MAP1S: variants seen among roughly 807,000 people sequenced by gnomAD.
MAP1S encodes the protein microtubule-associated protein 1S.
Under a neutral mutation model 60.9 loss-of-function variants are expected in MAP1S, and 27 were observed. That is an observed-to-expected ratio of 0.44 (90% CI 0.33 to 0.61). The LOEUF is 0.61. MAP1S is among the 20% of genes least tolerant of loss of function. The probability of loss-of-function intolerance (pLI) is 0.03; values close to 1 mark genes in which losing one functional copy is unlikely to be tolerated. For missense variants in MAP1S, 1,608 were observed against 1,486.6 expected (o/e 1.08, Z -1.34); for synonymous variants, 826 against 694.2 (o/e 1.19, Z -2.98).
In MAP1S at chr19:17,727,350, C is replaced by A; in HGVS notation, c.1966C>A (p.Leu656Met). ...SPAEGSERLS[L>M]SPLRGGEAGP... ...CGCAGAGGGCAGCGAGCGGCTGTCG[C>A]TGAGCCCACTGCGGGGCGGGGAGGC... is the stretch of plus-strand genomic sequence containing the variant. Residue 656 changes from leucine (L) to methionine (M), a missense_variant, in exon 5 of 7, where the codon CTG becomes ATG. Physicochemically the swap from Leu to Met is conservative, Grantham distance 15 (BLOSUM62 2). This residue lies in a region of MAP1S where 1,167 missense variants were observed against 961.4 expected (regional missense o/e 1.21). Coordinates refer to ENST00000324096, the MANE Select transcript of MAP1S (RefSeq NM_018174.6). The surrounding 1 kb of genome is among the most constrained non-coding windows in gnomAD (Gnocchi z 4.1). 1 of 1,587,014 alleles carries A rather than the reference C, an allele frequency of 6.3e-7. No individual in the cohort carries two copies. Among genetic ancestry groups the A allele is most frequent in the South Asian group, 1.1e-5 (1 of 88,798 alleles).
At position 17,725,249 on chromosome 19, in the gene MAP1S, C is replaced by G; in HGVS notation, c.444+60C>G. ...GCTCTGAATCCTGACTGGGGTGTAT[C>G]AGGCTGTGTGGCACCAGCGACCTGC... On this transcript the variant is annotated intron_variant, in intron 4 of 6. Coordinates refer to ENST00000324096, the MANE Select transcript of MAP1S (RefSeq NM_018174.6). This position sits in a 1 kb window ranked among gnomAD's most constrained non-coding sequence, Gnocchi z 4.2. 6.4e-7 allele frequency: 1 copy of G among 1,552,240 alleles called. No individual in the cohort carries two copies. The highest frequency in any genetic ancestry group is 8.7e-7 in the Non-Finnish European group (1 of 1,148,570).
In MAP1S at chr19:17,727,527, G is replaced by T; in HGVS notation, c.2143G>T (p.Ala715Ser). Residue 715 changes from alanine (A) to serine (S), a missense_variant, in exon 5 of 7, where the codon GCT (alanine) becomes TCT (serine). Transcript: ENST00000324096. The surrounding 1 kb of genome is among the most constrained non-coding windows in gnomAD (Gnocchi z 4.1). ...VLPPSAPTSEAGLSLPLRGPR... is the reference protein window; with the variant it reads ...VLPPSAPTSESGLSLPLRGPR... ...GCCGCCATCCGCCCCCACCAGTGAG[G>T]CTGGGCTGAGCCTCCCGCTGCGTGG... 1 of 1,610,168 alleles carries T rather than the reference G, an allele frequency of 6.2e-7. No individual in the cohort carries two copies. Among genetic ancestry groups the T allele is most frequent in the Non-Finnish European group, 8.5e-7 (1 of 1,179,472 alleles).
chr19:17,727,763 C>T lies in MAP1S; in HGVS notation c.2379C>T (p.Thr793=). 3 of 1,609,582 alleles carry T rather than the reference C, an allele frequency of 1.9e-6. No homozygotes were observed. Among genetic ancestry groups the T allele is most frequent in the Non-Finnish European group, 2.5e-6 (3 of 1,177,928 alleles). ...PPTSVSESLP[T]LSDSDPVPLA... is the part of the protein sequence containing the mutation. ...CATCGGTCAGCGAGTCCCTGCCCACCCTGTCTGACTCGGATCCCGTGCCCC... is the reference window on the plus strand; with the variant it reads ...CATCGGTCAGCGAGTCCCTGCCCACTCTGTCTGACTCGGATCCCGTGCCCC... Residue 793 remains threonine, a synonymous_variant, in exon 5 of 7, where the codon ACC becomes ACT. Coordinates refer to ENST00000324096, the MANE Select transcript of MAP1S (RefSeq NM_018174.6). This position sits in a 1 kb window ranked among gnomAD's most constrained non-coding sequence, Gnocchi z 4.1.
intron 5 of MAP1S, among the ~76,000 whole-genome samples, chr19:17,732,289 C>A (rs566143394): frequency 6.6e-6 from 1 of 152,230 alleles, no homozygotes; most frequent in East Asian, 1.9e-4. Flanking sequence ...GGAATGTGTC[C>A]ATTTCGGCTG....
In MAP1S at chr19:17,725,679, C is replaced by T; in HGVS notation, c.445-150C>T. The T allele has an allele frequency of 2.8e-6, 2 of 724,014 alleles. No homozygotes were observed. Among genetic ancestry groups the T allele is most frequent in the Non-Finnish European group, 4.5e-6 (2 of 444,978 alleles). 44.8% of individuals were successfully genotyped at this position (724,014 alleles called of 1,614,324 possible). A position where few individuals can be genotyped will look rare whatever the true frequency, so the allele number is the denominator to read the frequency against. ...AGGAGGTGAGGCCAGATCAAAGAGCCTTGTGGCGCTGGAGAGGGTTGGGTT... is the reference window on the plus strand; with the variant it reads ...AGGAGGTGAGGCCAGATCAAAGAGCTTTGTGGCGCTGGAGAGGGTTGGGTT... On this transcript the variant is annotated intron_variant, in intron 4 of 6. Transcript: ENST00000324096. The surrounding 1 kb of genome is among the most constrained non-coding windows in gnomAD (Gnocchi z 4.2).
At chr19:17,728,553 C>T (rs747452437) in intron 5 of MAP1S, among the ~76,000 whole-genome samples, 12 of 151,144 alleles carry the variant, frequency 7.9e-5, no homozygotes, top group Non-Finnish European at 1.0e-4. Flanking sequence ...CCTGCCAGTT[C>T]TGTTCTTTTT....
intron 5 of MAP1S, 33 bp from the exon 6 acceptor site, chr19:17,733,160 C>T: frequency 2.1e-6 from 3 of 1,423,332 alleles, no homozygotes; most frequent in East Asian, 2.5e-5. Flanking sequence ...GCCCCAGGAG[C>T]TCATCCCTGC....
At position 17,727,092 on chromosome 19, in the gene MAP1S, C is replaced by T. The variant is rs1457045488; in HGVS notation, c.1708C>T (p.His570Tyr). ...GCCCCGCAAAGCGCCCAGCACGTCC[C>T]ACTCTGGCTTCCCGCCGGTGGCAAA... ...PKPRKAPSTSHSGFPPVANGP... is the reference protein window; with the variant it reads ...PKPRKAPSTSYSGFPPVANGP... The change falls in exon 5 of 7, where the codon CAC (histidine) becomes TAC (tyrosine). Residue 570 changes from histidine (H) to tyrosine (Y), a missense_variant. His to Tyr is a moderately conservative substitution (Grantham distance 83). This residue lies in a region of MAP1S where 1,167 missense variants were observed against 961.4 expected (regional missense o/e 1.21). Coordinates refer to ENST00000324096, the MANE Select transcript of MAP1S (RefSeq NM_018174.6). This position sits in a 1 kb window ranked among gnomAD's most constrained non-coding sequence, Gnocchi z 4.1. The T allele has an allele frequency of 6.2e-7, 1 of 1,602,594 alleles. No individual in the cohort carries two copies.
Position 17,726,656 on chromosome 19 carries a change from C to T in MAP1S, c.1272C>T (p.Gly424=), listed in dbSNP as rs374990186. The T allele has an allele frequency of 1.6e-3, 2,606 of 1,580,272 alleles. 5 individuals are homozygous for T. Among genetic ancestry groups the T allele is most frequent in the Non-Finnish European group, 2.0e-3 (2,363 of 1,167,400 alleles). Residue 424 remains glycine (G), a synonymous_variant, in exon 5 of 7, where the codon GGC becomes GGT. Transcript: ENST00000324096. The stretch of plus-strand genomic sequence containing the variant: ...TGGTGTGGCACCCCGCCGGCCCCGG[C>T]GAGAAGGTGGTGCGCGTGCTGTTCC... ...ALLVWHPAGP[G]EKVVRVLFPG...
In MAP1S at chr19:17,727,354, G is replaced by A; in HGVS notation, c.1970G>A (p.Ser657Asn). 6.3e-7 allele frequency: 1 copy of A among 1,586,302 alleles called. No homozygotes were observed. Among genetic ancestry groups the A allele is most frequent in the East Asian group, 2.3e-5 (1 of 43,294 alleles). ...PAEGSERLSL[S>N]PLRGGEAGPD... ...GAGGGCAGCGAGCGGCTGTCGCTGA[G>A]CCCACTGCGGGGCGGGGAGGCCGGG... Residue 657 changes from serine (S) to asparagine (N), a missense_variant, in exon 5 of 7, where the codon AGC becomes AAC. Physicochemically the swap from Ser to Asn is conservative, Grantham distance 46. This residue lies in a region of MAP1S where 1,167 missense variants were observed against 961.4 expected (regional missense o/e 1.21). Transcript: ENST00000324096. The surrounding 1 kb of genome is among the most constrained non-coding windows in gnomAD (Gnocchi z 4.1).
chr19:17,727,541 C>T lies in MAP1S; in HGVS notation c.2157C>T (p.Leu719=), dbSNP rs148839079. The T allele has an allele frequency of 4.6e-4, 742 of 1,609,312 alleles. No homozygotes were observed. The highest frequency in any genetic ancestry group is 6.0e-4 in the Non-Finnish European group (709 of 1,179,416). Residue 719 remains leucine, a synonymous_variant, in exon 5 of 7, where the codon CTC becomes CTT. Transcript: ENST00000324096. The surrounding 1 kb of genome is among the most constrained non-coding windows in gnomAD (Gnocchi z 4.1). ...SAPTSEAGLS[L]PLRGPRARRS... ...CCACCAGTGAGGCTGGGCTGAGCCTCCCGCTGCGTGGCCCCCGGGCGCGGC... is the reference window on the plus strand; with the variant it reads ...CCACCAGTGAGGCTGGGCTGAGCCTTCCGCTGCGTGGCCCCCGGGCGCGGC...
intron 5 of MAP1S, among the ~76,000 whole-genome samples, chr19:17,732,249 G>T (rs62121728): frequency 1.2e-4 from 19 of 152,248 alleles, no homozygotes; most frequent in Non-Finnish European, 2.4e-4. Flanking sequence ...CTATTTTTGT[G>T]ATTGTGTCTT....
intron 1 of MAP1S, chr19:17,720,238 A>G: frequency 7.2e-7 from 1 of 1,381,778 alleles, no homozygotes; most frequent in South Asian, 1.6e-5. Flanking sequence ...GTGGGTGGAG[A>G]TGGGTGTTCA....
intron 5 of MAP1S, 147 bp from the exon 6 acceptor site, chr19:17,733,046 G>A (rs1359602645): frequency 8.6e-6 from 5 of 582,762 alleles, no homozygotes; most frequent in Non-Finnish European, 1.5e-5. Flanking sequence ...CTGGAGTCAT[G>A]AGCGCACCAG....
rs1246836554 is a variant in MAP1S, at chr19:17,733,174, C to T, written c.2789-19C>T. On this transcript the variant is annotated intron_variant, in intron 5 of 6. Coordinates refer to ENST00000324096, the MANE Select transcript of MAP1S (RefSeq NM_018174.6). ...AGCCCCAGGAGCTCATCCCTGCCTC[C>T]CCATCCCCCCGCCCGCAGGGTCAGC... The T allele has an allele frequency of 2.0e-6, 3 of 1,504,240 alleles. No homozygotes were observed. Among genetic ancestry groups the T allele is most frequent in the Non-Finnish European group, 2.7e-6 (3 of 1,116,210 alleles). 93.2% of individuals were successfully genotyped at this position (1,504,240 alleles called of 1,614,324 possible). A position where few individuals can be genotyped will look rare whatever the true frequency, so the allele number is the denominator to read the frequency against.
chr19:17,719,785 G>T (rs1043016243), intron 1 of MAP1S, 165 bp downstream of exon 1: 65 of 196,490 alleles, frequency 3.3e-4, no homozygotes, highest in African/African-American at 1.5e-3. Context: ...TTAGGCGCAC[G>T]ACGCGGGCAA....
In MAP1S at chr19:17,733,860, C is replaced by T. The variant is rs548093618; in HGVS notation, c.3025-413C>T. On this transcript the variant is annotated intron_variant, in intron 6 of 6. Coordinates refer to ENST00000324096, the MANE Select transcript of MAP1S (RefSeq NM_018174.6). ...GGGCAGAGGGAGGACCGCCTCACAC[C>T]GCGGCCCCTGCCCTCTCATAGCTGC... is the stretch of plus-strand genomic sequence containing the variant. 3.9e-5 allele frequency among the ~76,000 whole-genome samples: 6 copies of T among 152,342 alleles called. No homozygotes were observed. In the East Asian group the frequency reaches 7.7e-4, roughly 20 times the overall value.
Position 17,727,075 on chromosome 19 carries a change from A to AAGCGCCCAGCAC in MAP1S, c.1692_1703dup (p.Ala565_Thr568dup). Reference sequence around the variant, plus strand: ...GCCCAGGCGGCACCCAAGCCCCGCAAAGCGCCCAGCACGTCCCACTCTGGC... The same window carrying AAGCGCCCAGCAC: ...GCCCAGGCGGCACCCAAGCCCCGCAAAGCGCCCAGCACAGCGCCCAGCACGTCCCACTCTGGC... On this transcript the variant is annotated inframe_insertion, in exon 5 of 7. Transcript: ENST00000324096. This position sits in a 1 kb window ranked among gnomAD's most constrained non-coding sequence, Gnocchi z 4.1. 1 of 1,606,778 alleles carries AAGCGCCCAGCAC rather than the reference A, an allele frequency of 6.2e-7. No homozygotes were observed. Among genetic ancestry groups the AAGCGCCCAGCAC allele is most frequent in the Non-Finnish European group, 8.5e-7 (1 of 1,177,972 alleles).
At chr19:17,721,240 C>T (rs547640709) in intron 2 of MAP1S, 1 of 587,954 alleles carries the variant, frequency 1.7e-6, no homozygotes, top group Non-Finnish European at 3.1e-6. Context: ...GTTTTTGTCC[C>T]TGATTGACAG....
Sources: allele counts gnomAD v4.1 joint callset (sites outside exome capture counted in the v4.1 genomes callset), GRCh38; gene constraint gnomAD v4.1.1; regional missense constraint gnomAD v4.1.1; non-coding constraint Gnocchi (gnomAD v3.1); transcripts MANE v1.5; gene names NCBI Gene and HGNC (gene_info 2026-07-23, HGNC 2026-07-21).